Variants in EYS observed in about 807,000 individuals in gnomAD.
EYS encodes the protein protein eyes shut homolog.
In EYS, 250 loss-of-function variants were observed where a neutral mutation model predicts 282.1. The observed-to-expected ratio is 0.89, with a 90% CI of 0.80 to 0.98. The LOEUF (loss-of-function observed/expected upper bound fraction) is 0.98. EYS is among the 50% of genes least tolerant of loss of function. The pLI, the probability that EYS is intolerant of heterozygous loss-of-function variation, is 0.00. For synonymous variants in EYS, 1,355 were observed against 1,282.9 expected, an observed-to-expected ratio of 1.06 and a Z score of -1.20; for missense variants, 4,016 against 3,709.0, an observed-to-expected ratio of 1.08 and a Z score of -2.15.
chr6:64,867,147 A>G (rs9354176), intron 19 of EYS, among the ~76,000 whole-genome samples: 23,579 of 151,746 alleles, frequency 0.16, 2,160 homozygotes, highest in East Asian at 0.49. Context: ...AAATATCAAA[A>G]AGACCATGTG....
intron 5 of EYS, among the ~76,000 whole-genome samples, chr6:65,407,922 C>T (rs1425439099): frequency 1.3e-5 from 2 of 151,966 alleles, no homozygotes; most frequent in African/African-American, 2.4e-5. Flanking sequence ...GTTCCCTGGA[C>T]ATTTGTCATA....
At chr6:64,126,844 C>A (rs529140879) in intron 31 of EYS, among the ~76,000 whole-genome samples, 1 of 151,548 alleles carries the variant, frequency 6.6e-6, no homozygotes, top group Non-Finnish European at 1.5e-5. Context: ...CATATATACA[C>A]ACACACATAT....
chr6:64,412,661 G>A (rs986654503), intron 28 of EYS: 1 of 152,006 alleles, frequency 6.6e-6, no homozygotes, highest in African/African-American at 2.4e-5. Flanking sequence ...CAGCTGTGAA[G>A]CATGTACTGT....
At chr6:65,669,195 T>C (rs1221521546) in intron 1 of EYS, among the ~76,000 whole-genome samples, 4 of 151,994 alleles carry the variant, frequency 2.6e-5, no homozygotes, top group Admixed American at 2.6e-4. Context: ...AGAGATGCTC[T>C]TGAGGTACCT....
chr6:64,661,652 A>T (rs71570690), intron 22 of EYS, among the ~76,000 whole-genome samples: 90,623 of 143,534 alleles, frequency 0.63, 29,105 homozygotes, highest in African/African-American at 0.7. Context: ...TCACTGGCCA[A>T]CAGAGAAATG....
At chr6:64,019,053 G>T (rs1408240228) in intron 33 of EYS, among the ~76,000 whole-genome samples, 1 of 152,136 alleles carries the variant, frequency 6.6e-6, no homozygotes, top group African/African-American at 2.4e-5. Context: ...GGGATTACAG[G>T]TGTGAGCCAC....
At chr6:63,829,651 A>T (rs906719409) in intron 36 of EYS, among the ~76,000 whole-genome samples, 3 of 152,188 alleles carry the variant, frequency 2.0e-5, no homozygotes, top group Admixed American at 6.5e-5. Flanking sequence ...GCATAGCTGA[A>T]CAAAAGGCAG....
At chr6:65,055,063 C>T (rs762362613) in intron 13 of EYS, among the ~76,000 whole-genome samples, 4 of 152,006 alleles carry the variant, frequency 2.6e-5, no homozygotes, top group Non-Finnish European at 4.4e-5. Flanking sequence ...TTCACAGAAG[C>T]CTCAACCTTA....
intron 31 of EYS, among the ~76,000 whole-genome samples, chr6:64,186,688 C>G (rs1160800489): frequency 6.6e-6 from 1 of 152,276 alleles, no homozygotes; most frequent in South Asian, 2.1e-4. Flanking sequence ...GCAAAGCTGT[C>G]TAGACAGAGG....
chr6:64,886,622 G>T, intron 19 of EYS, 75 bp downstream of exon 19: 1 of 1,217,044 alleles, frequency 8.2e-7, no homozygotes, highest in Non-Finnish European at 1.1e-6. Context: ...TTCAGGTTTT[G>T]GAGTATAAAT....
At chr6:64,099,302 A>G (rs192495921) in intron 31 of EYS, among the ~76,000 whole-genome samples, 27 of 152,356 alleles carry the variant, frequency 1.8e-4, no homozygotes, top group Admixed American at 9.8e-4. Flanking sequence ...CATGGTTGCA[A>G]TAATAGCCCC....
chr6:64,420,149 C>T (rs1293827894), intron 28 of EYS, among the ~76,000 whole-genome samples: 2 of 152,204 alleles, frequency 1.3e-5, no homozygotes, highest in Non-Finnish European at 2.9e-5. Context: ...TGTGTATCCA[C>T]AGGCTCAACA....
chr6:63,956,477 C>T (rs961064098), intron 35 of EYS, among the ~76,000 whole-genome samples: 1 of 152,182 alleles, frequency 6.6e-6, no homozygotes, highest in South Asian at 2.1e-4. Flanking sequence ...CTTTATCGCT[C>T]ACACAAAGCC....
At chr6:63,908,623 G>C (rs1773842237) in intron 35 of EYS, among the ~76,000 whole-genome samples, 1 of 151,772 alleles carries the variant, frequency 6.6e-6, no homozygotes, top group Non-Finnish European at 1.5e-5. Context: ...GCTAATTTTT[G>C]TAATTTTAGT....
At chr6:65,250,945 G>C (rs1476117628) in intron 12 of EYS, among the ~76,000 whole-genome samples, 2 of 145,782 alleles carry the variant, frequency 1.4e-5, no homozygotes, top group African/African-American at 5.0e-5. Flanking sequence ...ATCCCAATGA[G>C]TTTATTCTTT....
At chr6:65,476,558 T>C (rs1765411336) in intron 5 of EYS, among the ~76,000 whole-genome samples, 1 of 152,078 alleles carries the variant, frequency 6.6e-6, no homozygotes, top group Non-Finnish European at 1.5e-5. Context: ...AAATGTTCAT[T>C]TATTACAAGC....
chr6:63,761,562 A>G (rs749802147), intron 41 of EYS, among the ~76,000 whole-genome samples: 10 of 152,046 alleles, frequency 6.6e-5, no homozygotes, highest in Non-Finnish European at 1.5e-4. Context: ...TTTTTTTCTT[A>G]CACATATGAA....
At position 64,879,454 on chromosome 6, in the gene EYS, AG is replaced by A. The variant is rs562926872; in HGVS notation, c.2992+7242del. Among the ~76,000 whole-genome samples, 175 of 152,228 alleles carry A rather than the reference AG, an allele frequency of 1.1e-3. No individual in the cohort carries two copies. The South Asian group carries it at 0.034, about 30-fold the overall frequency. Reference sequence around the variant, plus strand: ...AAAATAGCACATACACGCAGAAAAAAGAAATTCTGAAACACTGAGGCAAGGC... The same window carrying A: ...AAAATAGCACATACACGCAGAAAAAAAAATTCTGAAACACTGAGGCAAGGC... On this transcript the variant is annotated intron_variant, in intron 19 of 42. Coordinates refer to ENST00000503581, the MANE Select transcript of EYS (RefSeq NM_001142800.2).
chr6:64,532,980 C>A (rs1764401187), intron 26 of EYS, among the ~76,000 whole-genome samples: 1 of 151,872 alleles, frequency 6.6e-6, no homozygotes, highest in African/African-American at 2.4e-5. Context: ...AAAAAGGGGA[C>A]AATATGTGCA....
Sources: gnomAD v4.1 joint callset for allele counts (sites outside exome capture counted in the v4.1 genomes callset) on GRCh38, gnomAD v4.1.1 for gene constraint, MANE v1.5 for transcripts, NCBI Gene and HGNC (gene_info 2026-07-23, HGNC 2026-07-21) for gene names.